MUC6: variants seen among roughly 807,000 people sequenced by gnomAD.
MUC6 encodes the protein mucin-6.
MUC6 carries 188 observed loss-of-function variants against 201.5 expected under a neutral mutation model. The observed-to-expected ratio is 0.93, with a 90% CI of 0.83 to 1.05. The LOEUF (loss-of-function observed/expected upper bound fraction) is 1.05. Ranked by LOEUF, MUC6 falls within the 50% of genes least tolerant of loss-of-function variation. The pLI is 0.00. For synonymous variants in MUC6, 1,228 were observed against 1,389.4 expected (o/e 0.88, Z 2.58); for missense variants, 2,706 against 3,256.9 (o/e 0.83, Z 4.12).
rs765173510 is a variant in MUC6 at position 1,015,876 on chromosome 11, CAGGG to C, written c.6921_6924del (p.His2307GlnfsTer12). ...CGTGTGGTAGGCGACAAGGTGGGAC[CAGGG>C]TGCCTGGTGGTAAGGTTGGTGACTG... On this transcript the variant is annotated frameshift_variant, in exon 31 of 33. Coordinates refer to ENST00000421673, the MANE Select transcript of MUC6 (RefSeq NM_005961.3). LOFTEE classifies it high-confidence loss of function. The C allele has an allele frequency of 3.7e-5, 59 of 1,608,420 alleles. No individual in the cohort carries two copies. The highest frequency in any genetic ancestry group is 4.9e-5 in the Non-Finnish European group (58 of 1,176,868).
chr11:1,017,250 T>C lies in MUC6; in HGVS notation c.5551A>G (p.Ser1851Gly). Reference protein sequence around the residue: ...PSFSTSLVTPSTHTVIIPTHT... With the variant: ...PSFSTSLVTPGTHTVIIPTHT... ...GTAGGGATGATGACCGTGTGAGTACTTGGAGTCACCAAGGAGGTGGAGAAA... is the reference window on the plus strand; with the variant it reads ...GTAGGGATGATGACCGTGTGAGTACCTGGAGTCACCAAGGAGGTGGAGAAA... The change falls in exon 31 of 33, where the codon AGT becomes GGT. Residue 1851 changes from serine to glycine, a missense_variant. Coordinates refer to ENST00000421673, the MANE Select transcript of MUC6 (RefSeq NM_005961.3). The C allele has an allele frequency of 6.2e-7, 1 of 1,614,076 alleles. No homozygotes were observed. Among genetic ancestry groups the C allele is most frequent in the Non-Finnish European group, 8.5e-7 (1 of 1,179,872 alleles).
At position 1,031,848 on chromosome 11, in the gene MUC6, A is replaced by G. The variant is rs773139172; in HGVS notation, c.321T>C (p.Thr107=). The change falls in exon 3 of 33, where the codon ACT becomes ACC. Residue 107 remains threonine (T), a synonymous_variant. Transcript: ENST00000421673. Reference sequence around the variant, plus strand: ...TGACTGAGATGATGGCTTCGCTCACAGTGACGACGGAGGCCCCCAGCTCCA... The same window carrying G: ...TGACTGAGATGATGGCTTCGCTCACGGTGACGACGGAGGCCCCCAGCTCCA... ...IIVELGASVV[T]VSEAIISVKD... is the part of the protein sequence containing the mutation. 1 of 1,611,988 alleles carries G rather than the reference A, an allele frequency of 6.2e-7. No individual in the cohort carries two copies. Among genetic ancestry groups the G allele is most frequent in the South Asian group, 1.1e-5 (1 of 90,902 alleles).
rs745341204 is a variant in MUC6 at position 1,027,345 on chromosome 11, C to T, written c.2154G>A (p.Lys718=). The part of the protein sequence containing the change: ...YLNQKGECVR[K]AQCPCILEGY... Reference sequence around the variant, plus strand: ...CCTCCAGTATGCACGGGCACTGGGCCTTGCGCACACACTCGCCCTTTTGGT... The same window carrying T: ...CCTCCAGTATGCACGGGCACTGGGCTTTGCGCACACACTCGCCCTTTTGGT... The change falls in exon 17 of 33, where the codon AAG becomes AAA. Residue 718 remains lysine, a synonymous_variant. Transcript: ENST00000421673. 3 of 1,612,916 alleles carry T rather than the reference C, an allele frequency of 1.9e-6. No homozygotes were observed. Among genetic ancestry groups the T allele is most frequent in the Non-Finnish European group, 8.5e-7 (1 of 1,179,852 alleles).
intron 13 of MUC6, 96 bp downstream of exon 13, chr11:1,028,550 T>G: frequency 6.5e-7 from 1 of 1,543,890 alleles, no homozygotes; most frequent in Non-Finnish European, 8.8e-7. Flanking sequence ...ACACAGAGGG[T>G]TGTGTGAACC....
Position 1,026,335 on chromosome 11 carries a change from G to A in MUC6, c.2538C>T (p.Cys846=), listed in dbSNP as rs1466174556. ...YPGGAELHTD[C]RTCSCSRGRW... ...GCGAGGCTTTGTCTCACCAGGTCCT[G>A]CAGTCAGTGTGGAGCTCAGCTCCTC... Residue 846 remains cysteine, a synonymous_variant, in exon 20 of 33, where the codon TGC becomes TGT. Coordinates refer to ENST00000421673, the MANE Select transcript of MUC6 (RefSeq NM_005961.3). 4 of 1,582,524 alleles carry A rather than the reference G, an allele frequency of 2.5e-6. No homozygotes were observed. Among genetic ancestry groups the A allele is most frequent in the Non-Finnish European group, 2.6e-6 (3 of 1,164,278 alleles).
In MUC6 at chr11:1,013,311, C is replaced by G; in HGVS notation, c.*145G>C. On this transcript the variant is annotated 3_prime_UTR_variant, in exon 33 of 33. Transcript: ENST00000421673. Reference sequence around the variant, plus strand: ...GGCAGCCCCTCTCCAACCGGTGCCCCAGGGAGCCACGGCCCAGGGCACTTG... The same window carrying G: ...GGCAGCCCCTCTCCAACCGGTGCCCGAGGGAGCCACGGCCCAGGGCACTTG... 1 of 815,392 alleles carries G rather than the reference C, an allele frequency of 1.2e-6. No individual in the cohort carries two copies. Among genetic ancestry groups the G allele is most frequent in the Non-Finnish European group, 1.9e-6 (1 of 533,768 alleles). The allele number at this position is 815,392 out of a possible 1,614,324, so 50.5% of individuals were successfully genotyped here.
chr11:1,019,715 G>A (rs899766916), intron 29 of MUC6, among the ~76,000 whole-genome samples: 43 of 152,174 alleles, frequency 2.8e-4, no homozygotes, highest in Non-Finnish European at 5.6e-4. Context: ...ATGGGGCTGC[G>A]GCTGCTCCTG....
chr11:1,028,545 G>C, intron 13 of MUC6, 101 bp downstream of exon 13: 3 of 1,544,406 alleles, frequency 1.9e-6, no homozygotes, highest in South Asian at 1.2e-5. Flanking sequence ...CCCGGACACA[G>C]AGGGTTGTGT....
In MUC6 at chr11:1,027,462, G is replaced by A. The variant is rs1330612731; in HGVS notation, c.2037C>T (p.Arg679=). ...TFSYNSQACE[R]TCLSLSDRAT... Reference sequence around the variant, plus strand: ...CACGGTCCGACAGCGACAGGCAGGTGCGCTCACAGGCTTGGCTGTTGTAGC... The same window carrying A: ...CACGGTCCGACAGCGACAGGCAGGTACGCTCACAGGCTTGGCTGTTGTAGC... Residue 679 remains arginine (R), a synonymous_variant, in exon 17 of 33, where the codon CGC becomes CGT. Coordinates refer to ENST00000421673, the MANE Select transcript of MUC6 (RefSeq NM_005961.3). 2 of 1,612,734 alleles carry A rather than the reference G, an allele frequency of 1.2e-6. No homozygotes were observed. The highest frequency in any genetic ancestry group is 1.3e-5 in the African/African-American group (1 of 75,046).
At chr11:1,022,178 A>C (rs1389328478) in intron 26 of MUC6, among the ~76,000 whole-genome samples, 3 of 81,920 alleles carry the variant, frequency 3.7e-5, no homozygotes, top group African/African-American at 4.9e-5. Flanking sequence ...TCTGCCCTCT[A>C]CAGCCCCGCG....
At position 1,016,496 on chromosome 11, in the gene MUC6, G is replaced by A. The variant is rs1856617265; in HGVS notation, c.6305C>T (p.Pro2102Leu). ...SWLPQNSSSR[P>L]PSSPITTQLP... is the part of the protein sequence containing the mutation. ...TTGTGTGGTGATAGGTGATGACGGT[G>A]GCCTTGAGCTAGAGTTCTGAGGCAG... is the stretch of plus-strand genomic sequence containing the variant. Residue 2102 changes from proline (P) to leucine (L), a missense_variant, in exon 31 of 33, where the codon CCA becomes CTA. Pro to Leu is a moderately conservative substitution (Grantham distance 98, BLOSUM62 -3). Around this residue, in one of 10 missense-constraint regions of MUC6, gnomAD observed 586 missense variants for 488.0 expected, o/e 1.20. Coordinates refer to ENST00000421673, the MANE Select transcript of MUC6 (RefSeq NM_005961.3). 1 of 1,613,680 alleles carries A rather than the reference G, an allele frequency of 6.2e-7. No homozygotes were observed. Among genetic ancestry groups the A allele is most frequent in the African/African-American group, 1.3e-5 (1 of 74,810 alleles).
At chr11:1,026,257 C>T (rs1856956726) in intron 20 of MUC6, 70 bp downstream of exon 20, 1 of 1,544,158 alleles carries the variant, frequency 6.5e-7, no homozygotes, top group Non-Finnish European at 8.7e-7. Flanking sequence ...ACAGCCCCAC[C>T]CCGGGCAGCC....
rs760111082 is a variant in MUC6, at chr11:1,030,604, C to T, written c.861G>A (p.Pro287=). The change falls in exon 7 of 33, where the codon CCG becomes CCA. Residue 287 remains proline (P), a synonymous_variant. Coordinates refer to ENST00000421673, the MANE Select transcript of MUC6 (RefSeq NM_005961.3). ...YSRQCSMVGQ[P]VRRWRSPGLC... ...GGCCGGGGCTCCGCCAGCGGCGGACCGGCTGGCCCACCATGCTGCACTGGC... is the reference window on the plus strand; with the variant it reads ...GGCCGGGGCTCCGCCAGCGGCGGACTGGCTGGCCCACCATGCTGCACTGGC... 2.0e-5 allele frequency: 30 copies of T among 1,529,542 alleles called. No homozygotes were observed. Among genetic ancestry groups the T allele is most frequent in the South Asian group, 1.1e-4 (9 of 81,940 alleles). The allele number at this position is 1,529,542 out of a possible 1,614,324, so 94.7% of individuals were successfully genotyped here.
intron 13 of MUC6, 98 bp downstream of exon 13, chr11:1,028,548 G>C: frequency 1.3e-6 from 2 of 1,544,946 alleles, no homozygotes; most frequent in South Asian, 2.4e-5. Flanking sequence ...GGACACAGAG[G>C]GTTGTGTGAA....
intron 32 of MUC6, 78 bp downstream of exon 32, chr11:1,013,821 G>A (rs1856536554): frequency 4.1e-6 from 6 of 1,467,374 alleles, no homozygotes; most frequent in Non-Finnish European, 4.6e-6. Flanking sequence ...GCGCCTGGGT[G>A]GGGTGCCCGA....
Position 1,028,778 on chromosome 11 carries a change from T to C in MUC6, c.1459A>G (p.Ile487Val), listed in dbSNP as rs774487013. 1.6e-5 allele frequency: 26 copies of C among 1,610,928 alleles called. No individual in the cohort carries two copies. In the South Asian group the frequency reaches 2.7e-4, roughly 17 times the overall value. Residue 487 changes from isoleucine to valine, a missense_variant, in exon 13 of 33, where the codon ATC (isoleucine) becomes GTC (valine). This residue lies in a region of MUC6 where 1,850 missense variants were observed against 1,958.3 expected (regional missense o/e 0.94). Transcript: ENST00000421673. ...GTGGACGTCTGCCTGAAGACCGTGA[T>C]GTTGCCTGCAGGACGCAGTGCTCAG... Reference protein sequence around the residue: ...AKWLPYKTRNITVFRQTSTHL... With the variant: ...AKWLPYKTRNVTVFRQTSTHL...
At chr11:1,032,105 G>T in intron 2 of MUC6, 52 bp from the exon 3 acceptor site, 1 of 1,593,936 alleles carries the variant, frequency 6.3e-7, no homozygotes, top group South Asian at 1.1e-5. Flanking sequence ...ATCCTGGCCA[G>T]GCAGGGCTGG....
intron 29 of MUC6, 45 bp downstream of exon 29, chr11:1,020,045 C>T: frequency 6.3e-7 from 1 of 1,599,246 alleles, no homozygotes; most frequent in Non-Finnish European, 8.5e-7. Context: ...TACCTAGGAC[C>T]TCCTGCAGCT....
chr11:1,024,773 C>G, intron 24 of MUC6, 71 bp downstream of exon 24: 1 of 1,537,222 alleles, frequency 6.5e-7, no homozygotes, highest in South Asian at 1.2e-5. Context: ...CCTGGCTTCC[C>G]CGCCCCTTCC....
Sources: gnomAD v4.1 joint callset for allele counts (sites outside exome capture counted in the v4.1 genomes callset) on GRCh38, gnomAD v4.1.1 for gene constraint, gnomAD v4.1.1 regional missense constraint, MANE v1.5 for transcripts, NCBI Gene and HGNC (gene_info 2026-07-23, HGNC 2026-07-21) for gene names.